The following HPS5 variants were observed in gnomAD, a reference collection of about 807,000 sequenced individuals.
HPS5 encodes BLOC-2 complex member HPS5.
A neutral mutation model predicts 128.0 loss-of-function variants in HPS5; 83 were observed. That is an observed-to-expected ratio of 0.65 (90% CI 0.54 to 0.78). The LOEUF (loss-of-function observed/expected upper bound fraction) is 0.78, where lower values mean the gene tolerates loss of function less well. Among genes scored for constraint, HPS5 ranks in the 30% least tolerant of loss-of-function variants. The probability of loss-of-function intolerance (pLI) is 0.00; values close to 1 mark genes in which losing one functional copy is unlikely to be tolerated. For synonymous variants in HPS5, 475 were observed against 470.2 expected (o/e 1.01, Z -0.13); for missense variants, 1,281 against 1,326.2 (o/e 0.97, Z 0.53).
intron 5 of HPS5, among the ~76,000 whole-genome samples, chr11:18,309,600 G>A (rs895328956): frequency 1.3e-5 from 2 of 152,188 alleles, no homozygotes; most frequent in African/African-American, 2.4e-5. Context: ...AAGTTTACTA[G>A]GGTTTCTATA....
Position 18,297,000 on chromosome 11 carries a change from A to T in HPS5, c.1324-16T>A. The stretch of plus-strand genomic sequence containing the variant: ...TGAAACTTTCCTAAAAATTAAAAGA[A>T]TTCAAAAAAAAAAAAAGGTAAAAAT... On this transcript the variant is annotated splice_polypyrimidine_tract_variant and intron_variant, in intron 11 of 22. Coordinates refer to ENST00000349215, the MANE Select transcript of HPS5 (RefSeq NM_181507.2). The T allele has an allele frequency of 1.3e-6, 2 of 1,494,356 alleles. No individual in the cohort carries two copies. The highest frequency in any genetic ancestry group is 1.8e-6 in the Non-Finnish European group (2 of 1,083,176). The allele number at this position is 1,494,356 out of a possible 1,614,324, so 92.6% of individuals were successfully genotyped here.
chr11:18,320,715 C>T (rs1020902880), intron 1 of HPS5, among the ~76,000 whole-genome samples: 2 of 152,178 alleles, frequency 1.3e-5, no homozygotes, highest in Non-Finnish European at 2.9e-5. Context: ...CTGTAGTTTG[C>T]CTAAAAATGA....
In HPS5 at chr11:18,313,286, A is replaced by G. The variant is rs1025664459; in HGVS notation, c.109-1262T>C. Among the ~76,000 whole-genome samples the G allele has an allele frequency of 2.0e-5, 3 of 152,196 alleles. No individual in the cohort carries two copies. In the South Asian group the frequency reaches 6.2e-4, roughly 31 times the overall value. On this transcript the variant is annotated intron_variant, in intron 2 of 22. Coordinates refer to ENST00000349215, the MANE Select transcript of HPS5 (RefSeq NM_181507.2). ...AGTATGCAGGCCCAGACAGAAATGA[A>G]TATGAGATATCAGTCATGCACCCAC... is the stretch of plus-strand genomic sequence containing the variant.
intron 20 of HPS5, among the ~76,000 whole-genome samples, chr11:18,285,103 C>T (rs1373315095): frequency 7.1e-6 from 1 of 140,994 alleles, no homozygotes; most frequent in African/African-American, 2.7e-5. Flanking sequence ...GGGCTGGCAA[C>T]TAAGCAGAGG....
Position 18,296,728 on chromosome 11 carries a change from A to G in HPS5, c.1510+70T>C, listed in dbSNP as rs761308579. On this transcript the variant is annotated intron_variant, in intron 12 of 22. Coordinates refer to ENST00000349215, the MANE Select transcript of HPS5 (RefSeq NM_181507.2). ...TCAGAGAAATTCCGTGCACAAGATA[A>G]TCCTGGTAACAGGAGCTCGTGGAAA... 5 of 1,361,200 alleles carry G rather than the reference A, an allele frequency of 3.7e-6. No individual in the cohort carries two copies. In the Admixed American group the frequency reaches 5.0e-5, roughly 14 times the overall value. The allele number at this position is 1,361,200 out of a possible 1,614,324, so 84.3% of individuals were successfully genotyped here.
intron 11 of HPS5, 132 bp from the exon 12 acceptor site, chr11:18,297,116 C>A: frequency 1.4e-6 from 1 of 705,432 alleles, no homozygotes. Flanking sequence ...TTAGAACAAA[C>A]TGATGAGCAA....
intron 6 of HPS5, 71 bp downstream of exon 6, chr11:18,308,875 G>T (rs1411676530): frequency 2.1e-6 from 3 of 1,461,676 alleles, no homozygotes; most frequent in Non-Finnish European, 2.9e-6. Flanking sequence ...GGGGCTTGGG[G>T]TAGATAACTT....
intron 8 of HPS5, among the ~76,000 whole-genome samples, chr11:18,301,997 C>A (rs1590104944): frequency 6.6e-6 from 1 of 152,112 alleles, no homozygotes; most frequent in East Asian, 1.9e-4. Flanking sequence ...CCTAACTATT[C>A]CACTTAACTG....
intron 8 of HPS5, among the ~76,000 whole-genome samples, chr11:18,304,280 G>A (rs997213221): frequency 4.7e-5 from 7 of 149,764 alleles, no homozygotes; most frequent in South Asian, 2.1e-4. Context: ...GCAATGGCAC[G>A]ATCTCGGCTC....
intron 9 of HPS5, 105 bp downstream of exon 9, chr11:18,300,719 AAGTC>A: frequency 1.8e-6 from 1 of 551,124 alleles, no homozygotes; most frequent in Non-Finnish European, 3.2e-6. Context: ...AAAAAAAAAA[AAGTC>A]ATCCCATCCT....
Position 18,286,583 on chromosome 11 carries a change from T to G in HPS5, c.2837+8A>C, listed in dbSNP as rs1362583076. On this transcript the variant is annotated splice_region_variant and intron_variant, in intron 19 of 22. Coordinates refer to ENST00000349215, the MANE Select transcript of HPS5 (RefSeq NM_181507.2). ...GAAAAAAACAAAGAAAGAGGACTTCTTCTGTACCTGGGATAACCTTCATCA... is the reference window on the plus strand; with the variant it reads ...GAAAAAAACAAAGAAAGAGGACTTCGTCTGTACCTGGGATAACCTTCATCA... The G allele has an allele frequency of 6.2e-7, 1 of 1,613,420 alleles. No individual in the cohort carries two copies. Among genetic ancestry groups the G allele is most frequent in the Non-Finnish European group, 8.5e-7 (1 of 1,179,786 alleles).
At position 18,311,977 on chromosome 11, in the gene HPS5, T is replaced by C. The variant is rs759649106; in HGVS notation, c.156A>G (p.Ser52=). ...TCTGAATGAGATGGAGTCCTCCTCCTGAACTGCCCAAAGCCAACCATTTCC... is the reference window on the plus strand; with the variant it reads ...TCTGAATGAGATGGAGTCCTCCTCCCGAACTGCCCAAAGCCAACCATTTCC... ...VSRKWLALGS[S]GGGLHLIQKE... is the part of the protein sequence containing the mutation. The change falls in exon 3 of 23, where the codon TCA becomes TCG. Residue 52 remains serine (S), a synonymous_variant. Transcript: ENST00000349215. 5 of 1,614,182 alleles carry C rather than the reference T, an allele frequency of 3.1e-6. No individual in the cohort carries two copies. Among genetic ancestry groups the C allele is most frequent in the East Asian group, 2.2e-5 (1 of 44,890 alleles).
At position 18,317,824 on chromosome 11, in the gene HPS5, C is replaced by T; in HGVS notation, c.35G>A (p.Ser12Asn). ...AGATTCAAACTCTGCAAGAACATGG[C>T]TGTAGGACTCTGGTATCACTGGCAC... ...AFVPVIPESY[S>N]HVLAEFESLD... The change falls in exon 2 of 23, where the codon AGC becomes AAC. Residue 12 changes from serine to asparagine, a missense_variant. Ser to Asn is a conservative substitution (Grantham distance 46, BLOSUM62 1). Transcript: ENST00000349215. The T allele has an allele frequency of 6.2e-7, 1 of 1,613,670 alleles. No homozygotes were observed. The highest frequency in any genetic ancestry group is 8.5e-7 in the Non-Finnish European group (1 of 1,179,782).
In HPS5 at chr11:18,287,906, C is replaced by A; in HGVS notation, c.2548G>T (p.Val850Phe). 3.7e-6 allele frequency: 6 copies of A among 1,614,068 alleles called. No homozygotes were observed. The highest frequency in any genetic ancestry group is 1.7e-4 in the Middle Eastern group (1 of 6,058). The change falls in exon 17 of 23, where the codon GTT (valine) becomes TTT (phenylalanine). Residue 850 changes from valine (V) to phenylalanine (F), a missense_variant. Val to Phe is a conservative substitution (Grantham distance 50). Coordinates refer to ENST00000349215, the MANE Select transcript of HPS5 (RefSeq NM_181507.2). The stretch of plus-strand genomic sequence containing the variant: ...AGGACAACTTACCGGGTAGCATAAA[C>A]AACCAACAACGGACTATCAAAAGGA... ...EVPFDSPLLVVYATRLYEKFG... is the reference protein window; with the variant it reads ...EVPFDSPLLVFYATRLYEKFG...
chr11:18,297,300 C>T (rs1861189423), intron 11 of HPS5, among the ~76,000 whole-genome samples: 1 of 152,090 alleles, frequency 6.6e-6, no homozygotes, highest in Non-Finnish European at 1.5e-5. Flanking sequence ...ATTAGAGCAA[C>T]GTAACTTATG....
chr11:18,306,008 A>G lies in HPS5; in HGVS notation c.824+127T>C. On this transcript the variant is annotated intron_variant, in intron 7 of 22. Coordinates refer to ENST00000349215, the MANE Select transcript of HPS5 (RefSeq NM_181507.2). ...CAGCCTCCCAAAGTGCTGGGATTAC[A>G]GGCGTGTGCCAACACGCCCAGCCAG... 5 of 754,598 alleles carry G rather than the reference A, an allele frequency of 6.6e-6. No individual in the cohort carries two copies. In the South Asian group the frequency reaches 7.4e-5, roughly 11 times the overall value. The allele number at this position is 754,598 out of a possible 1,614,324, so 46.7% of individuals were successfully genotyped here.
chr11:18,300,999 C>T lies in HPS5; in HGVS notation c.897-83G>A, dbSNP rs1016473003. ...CCCCGAATTCAGATCCTTGCATTAG[C>T]TATTAAAGTAAAATCAAACTGTACA... is the stretch of plus-strand genomic sequence containing the variant. On this transcript the variant is annotated intron_variant, in intron 8 of 22. Transcript: ENST00000349215. 2.6e-5 allele frequency: 21 copies of T among 798,852 alleles called. No homozygotes were observed. The Admixed American group carries it at 3.3e-4, about 13-fold the overall frequency. The allele number at this position is 798,852 out of a possible 1,614,324, so 49.5% of individuals were successfully genotyped here.
chr11:18,299,045 T>C, intron 9 of HPS5, 75 bp from the exon 10 acceptor site: 1 of 1,368,166 alleles, frequency 7.3e-7, no homozygotes, highest in Non-Finnish European at 1.0e-6. Flanking sequence ...GATGCAATTA[T>C]TCTAATAAAT....
intron 17 of HPS5, 46 bp from the exon 18 acceptor site, chr11:18,287,736 T>TA: frequency 6.2e-7 from 1 of 1,608,560 alleles, no homozygotes. Flanking sequence ...TCAGTGAAAT[T>TA]ATATAACTTG....
Sources: gnomAD v4.1 joint callset for allele counts (sites outside exome capture counted in the v4.1 genomes callset) on GRCh38, gnomAD v4.1.1 for gene constraint, MANE v1.5 for transcripts, NCBI Gene and HGNC (gene_info 2026-07-23, HGNC 2026-07-21) for gene names.